The following ZNF25 variants were observed in gnomAD, a reference collection of about 807,000 sequenced individuals.
ZNF25 encodes zinc finger protein 25 (KOX 19).
A neutral mutation model predicts 30.9 loss-of-function variants in ZNF25; 21 were observed. The ratio of observed to expected loss-of-function variants is 0.68; its 90% CI spans 0.48 to 0.98. The LOEUF is 0.98. ZNF25 is among the 50% of genes least tolerant of loss of function. The pLI, the probability that ZNF25 is intolerant of heterozygous loss-of-function variation, is 0.00. For missense variants in ZNF25, 501 were observed against 529.9 expected (o/e 0.95, Z 0.54); for synonymous variants, 169 against 181.3 (o/e 0.93, Z 0.55).
At chr10:37,958,558 A>T in intron 2 of ZNF25, among the ~76,000 whole-genome samples, 1 of 152,368 alleles carries the variant, frequency 6.6e-6, no homozygotes, top group South Asian at 2.1e-4. Flanking sequence ...TATATTTTAC[A>T]TACACACTTA....
chr10:37,967,346 G>T (rs1465626127), intron 2 of ZNF25, among the ~76,000 whole-genome samples: 1 of 152,012 alleles, frequency 6.6e-6, no homozygotes, highest in African/African-American at 2.4e-5. Flanking sequence ...CTGGCATAAG[G>T]ACAGACATAC....
chr10:37,956,915 C>CAATTCA, intron 4 of ZNF25, 105 bp downstream of exon 4: 1 of 516,430 alleles, frequency 1.9e-6, no homozygotes, highest in Non-Finnish European at 3.2e-6. Flanking sequence ...AACTCTGTTT[C>CAATTCA]AAAAAAAAAA....
chr10:37,957,341 A>G (rs1312152728), intron 3 of ZNF25, 79 bp downstream of exon 3: 5 of 1,523,602 alleles, frequency 3.3e-6, no homozygotes. Flanking sequence ...ATTCAACCCT[A>G]TAGGGACATT....
At chr10:37,967,775 T>C (rs1374184289) in intron 2 of ZNF25, 1 of 152,140 alleles carries the variant, frequency 6.6e-6, no homozygotes, top group Non-Finnish European at 1.5e-5. Context: ...CATCAAATAA[T>C]ACTGGGAAAA....
At chr10:37,965,280 C>T (rs962605338) in intron 2 of ZNF25, among the ~76,000 whole-genome samples, 10 of 152,062 alleles carry the variant, frequency 6.6e-5, no homozygotes, top group African/African-American at 1.4e-4. Context: ...CACACAGAGC[C>T]CCCACTGGGG....
chr10:37,968,498 T>C (rs1459564285), intron 2 of ZNF25, among the ~76,000 whole-genome samples: 1 of 151,998 alleles, frequency 6.6e-6, no homozygotes, highest in African/African-American at 2.4e-5. Flanking sequence ...TGGGACTACC[T>C]GTGTGCACCA....
intron 4 of ZNF25, among the ~76,000 whole-genome samples, chr10:37,955,523 T>C (rs2062461654): frequency 6.6e-6 from 1 of 152,144 alleles, no homozygotes. Flanking sequence ...GGGATCAGAA[T>C]ATAAATAGGG....
At chr10:37,970,430 T>C (rs1419340750) in intron 2 of ZNF25, among the ~76,000 whole-genome samples, 3 of 152,194 alleles carry the variant, frequency 2.0e-5, no homozygotes, top group Non-Finnish European at 4.4e-5. Context: ...GATCCATTCA[T>C]GATAAAAACT....
In ZNF25 at chr10:37,952,928, A is replaced by G. The variant is rs752051927; in HGVS notation, c.570T>C (p.Ser190=). 5 of 1,614,180 alleles carry G rather than the reference A, an allele frequency of 3.1e-6. No individual in the cohort carries two copies. The South Asian group carries it at 5.5e-5, about 18-fold the overall frequency. The change falls in exon 6 of 6, where the codon AGT becomes AGC. Residue 190 remains serine (S), a synonymous_variant. Transcript: ENST00000302609. ...KKIFYHLSSL[S]RHLRTHAGEK... ...CTCCTGCATGGGTTCTCAGATGTCT[A>G]CTGAGAGATGATAGGTGGTAAAATA...
intron 1 of ZNF25, among the ~76,000 whole-genome samples, chr10:37,976,127 G>T (rs1167309288): frequency 1.3e-5 from 2 of 152,120 alleles, no homozygotes. Flanking sequence ...GTACCCAAAG[G>T]CCCCCATCAT....
intron 2 of ZNF25, among the ~76,000 whole-genome samples, chr10:37,969,162 T>C (rs2063348376): frequency 6.6e-6 from 1 of 152,178 alleles, no homozygotes; most frequent in Admixed American, 6.5e-5. Context: ...ACTGAAACCC[T>C]TGTACATTGC....
chr10:37,970,969 A>C (rs1325460075), intron 2 of ZNF25, among the ~76,000 whole-genome samples: 2 of 152,160 alleles, frequency 1.3e-5, no homozygotes, highest in African/African-American at 4.8e-5. Flanking sequence ...CCAAACATAT[A>C]CCTCAGAAAT....
intron 1 of ZNF25, among the ~76,000 whole-genome samples, chr10:37,972,734 T>C (rs1288120960): frequency 2.6e-5 from 4 of 152,036 alleles, no homozygotes; most frequent in Non-Finnish European, 5.9e-5. Flanking sequence ...GGCATCCAAA[T>C]TGGAAAGAAA....
At chr10:37,967,018 A>G (rs1477738325) in intron 2 of ZNF25, among the ~76,000 whole-genome samples, 1 of 152,186 alleles carries the variant, frequency 6.6e-6, no homozygotes, top group Non-Finnish European at 1.5e-5. Flanking sequence ...AAATAGTAGT[A>G]ACCAAAAGAG....
rs547908758 is a variant in ZNF25, at chr10:37,951,513, T to A, written c.*614A>T. On this transcript the variant is annotated 3_prime_UTR_variant, in exon 6 of 6. Transcript: ENST00000302609. ...CAATCTCGGCATCAGATCTGCAACA[T>A]GATTTGTAGTATAACTGTTTCCCTC... 1 of 152,254 alleles carries A rather than the reference T, an allele frequency of 6.6e-6. No individual in the cohort carries two copies. The highest frequency in any genetic ancestry group is 1.5e-5 in the Non-Finnish European group (1 of 68,044). The allele number at this position is 152,254 out of a possible 1,614,324, so 9.4% of individuals were successfully genotyped here. A position where few individuals can be genotyped will look rare whatever the true frequency, so the allele number is the denominator to read the frequency against.
At position 37,952,418 on chromosome 10, in the gene ZNF25, A is replaced by T; in HGVS notation, c.1080T>A (p.His360Gln). The change falls in exon 6 of 6, where the codon CAT becomes CAA. Residue 360 changes from histidine to glutamine, a missense_variant. Physicochemically the swap from His to Gln is conservative, Grantham distance 24 (BLOSUM62 0). Transcript: ENST00000302609. ...GCTTCTCCCCTGTGTGTTTTCTCTGATGTTTAGTGAGGTCTGATTTATAGT... is the reference window on the plus strand; with the variant it reads ...GCTTCTCCCCTGTGTGTTTTCTCTGTTGTTTAGTGAGGTCTGATTTATAGT... ...TFYYKSDLTK[H>Q]QRKHTGEKPY... 6.2e-7 allele frequency: 1 copy of T among 1,614,046 alleles called. No homozygotes were observed. The highest frequency in any genetic ancestry group is 8.5e-7 in the Non-Finnish European group (1 of 1,179,980).
At position 37,951,964 on chromosome 10, in the gene ZNF25, T is replaced by G; in HGVS notation, c.*163A>C. 1 of 540,722 alleles carries G rather than the reference T, an allele frequency of 1.8e-6. No individual in the cohort carries two copies. The highest frequency in any genetic ancestry group is 3.0e-6 in the Non-Finnish European group (1 of 331,998). 33.5% of individuals were successfully genotyped at this position (540,722 alleles called of 1,614,324 possible). A position where few individuals can be genotyped will look rare whatever the true frequency, so the allele number is the denominator to read the frequency against. On this transcript the variant is annotated 3_prime_UTR_variant, in exon 6 of 6. Transcript: ENST00000302609. ...AAATATGATAAAATTTTCTCCCAAA[T>G]AAATGTACAGAATCTCTCTATGTAT...
At position 37,957,369 on chromosome 10, in the gene ZNF25, A is replaced by C. The variant is rs375968624; in HGVS notation, c.142+51T>G. 2.6e-5 allele frequency: 41 copies of C among 1,583,984 alleles called. 1 individual carries two copies. The highest frequency in any genetic ancestry group is 3.5e-5 in the Non-Finnish European group (41 of 1,164,140). On this transcript the variant is annotated intron_variant, in intron 3 of 5. Coordinates refer to ENST00000302609, the MANE Select transcript of ZNF25 (RefSeq NM_145011.4). ...GGGACATTTTATACTCCAGTAACTG[A>C]GAAGATAGATGCAAACTACTGGGAT...
At position 37,950,203 on chromosome 10, in the gene ZNF25, T is replaced by C. The variant is rs530592890; in HGVS notation, c.*1924A>G. 2 of 152,768 alleles carry C rather than the reference T, an allele frequency of 1.3e-5. No homozygotes were observed. Among genetic ancestry groups the C allele is most frequent in the African/African-American group, 4.8e-5 (2 of 41,582 alleles). The allele number at this position is 152,768 out of a possible 1,614,324, so 9.5% of individuals were successfully genotyped here. A position where few individuals can be genotyped will look rare whatever the true frequency, so the allele number is the denominator to read the frequency against. On this transcript the variant is annotated 3_prime_UTR_variant, in exon 6 of 6. Transcript: ENST00000302609. ...GGCATGTGGTGTCTGCTACAACTAC[T>C]CAACTCTGCTGGGGTAGTGCAAAGA...
Sources: allele counts gnomAD v4.1 joint callset (sites outside exome capture counted in the v4.1 genomes callset), GRCh38; gene constraint gnomAD v4.1.1; transcripts MANE v1.5; gene names NCBI Gene and HGNC (gene_info 2026-07-23, HGNC 2026-07-21).